Variants in ACTN1 observed in about 807,000 individuals in gnomAD.
ACTN1 encodes actinin alpha 1, also known as alpha-actinin-1.
ACTN1 carries 30 observed loss-of-function variants against 119.6 expected under a neutral mutation model. The observed-to-expected ratio is 0.25, with a 90% confidence interval of 0.19 to 0.34. ACTN1 has a LOEUF of 0.34. Among genes scored for constraint, ACTN1 ranks in the 10% least tolerant of loss-of-function variants. The pLI is 1.00. For synonymous variants in ACTN1, 429 were observed against 472.6 expected (o/e 0.91, Z 1.20); for missense variants, 764 against 1,223.4 (o/e 0.62, Z 5.60).
intron 1 of ACTN1, among the ~76,000 whole-genome samples, chr14:68,959,237 A>C (rs1236804122): frequency 6.6e-6 from 1 of 152,204 alleles, no homozygotes; most frequent in Non-Finnish European, 1.5e-5. Flanking sequence ...AAACCTCTGG[A>C]AACAGTGGAG....
In ACTN1 at chr14:68,875,254, A is replaced by G. The variant is rs1178702217; in HGVS notation, c.2587-237T>C. 4.4e-6 allele frequency: 5 copies of G among 1,133,804 alleles called. No individual in the cohort carries two copies. In the African/African-American group the frequency reaches 7.8e-5, roughly 18 times the overall value. 70.2% of individuals were successfully genotyped at this position (1,133,804 alleles called of 1,614,324 possible). On this transcript the variant is annotated intron_variant, in intron 21 of 21. Transcript: ENST00000394419. ...CACTTCAGTACCTACTTTGTAAGCC[A>G]CTTTCCAATCTAATTCCATGTGCCA...
At chr14:68,897,816 G>A (rs2032989768) in intron 8 of ACTN1, among the ~76,000 whole-genome samples, 5 of 152,230 alleles carry the variant, frequency 3.3e-5, no homozygotes, top group Admixed American at 3.3e-4. Flanking sequence ...CGGTGAGTGG[G>A]CCAGGGTGGG....
At position 68,902,233 on chromosome 14, in the gene ACTN1, T is replaced by C. The variant is rs554272846; in HGVS notation, c.762+244A>G. ...TTCCTGCTTAAGCCAGTCATCTGGGTCCCAGAAAGTGAGCTGCTGCCCAAT... is the reference window on the plus strand; with the variant it reads ...TTCCTGCTTAAGCCAGTCATCTGGGCCCCAGAAAGTGAGCTGCTGCCCAAT... On this transcript the variant is annotated intron_variant, in intron 8 of 21. Transcript: ENST00000394419. Among the ~76,000 whole-genome samples, 137 of 152,226 alleles carry C rather than the reference T, an allele frequency of 9.0e-4. 1 individual carries two copies. The highest frequency in any genetic ancestry group is 3.4e-3 in the Middle Eastern group (1 of 294).
At chr14:68,935,587 T>C (rs1242501011) in intron 1 of ACTN1, among the ~76,000 whole-genome samples, 1 of 151,712 alleles carries the variant, frequency 6.6e-6, no homozygotes, top group Non-Finnish European at 1.5e-5. Context: ...GGTTTTGCTA[T>C]GTTGGCCTGG....
chr14:68,925,887 T>C lies in ACTN1; in HGVS notation c.106-215A>G, dbSNP rs2034898693. Among the ~76,000 whole-genome samples, 1 of 152,140 alleles carries C rather than the reference T, an allele frequency of 6.6e-6. No homozygotes were observed. The highest frequency in any genetic ancestry group is 2.1e-4 in the South Asian group (1 of 4,828). On this transcript the variant is annotated intron_variant, in intron 1 of 21. Transcript: ENST00000394419. This position sits in a 1 kb window ranked among gnomAD's most constrained non-coding sequence, Gnocchi z 4.3. ...GGGACCCTACACAGAGCCTGCTACA[T>C]GGGTGGGAGCAAGCAGGATACATGA...
intron 14 of ACTN1, among the ~76,000 whole-genome samples, chr14:68,883,654 T>C (rs180996940): frequency 1.3e-5 from 2 of 152,272 alleles, no homozygotes; most frequent in Non-Finnish European, 2.9e-5. Flanking sequence ...GATGTGAGCC[T>C]GTAGTCCCAG....
At chr14:68,971,177 C>T (rs757521517) in intron 1 of ACTN1, among the ~76,000 whole-genome samples, 10 of 152,246 alleles carry the variant, frequency 6.6e-5, no homozygotes, top group Non-Finnish European at 1.2e-4. Flanking sequence ...CTTAACCTCT[C>T]TGGGCTTCCA....
rs201774123 is a variant in ACTN1 at position 68,955,023 on chromosome 14, G to GT, written c.105+23928dup. On this transcript the variant is annotated intron_variant, in intron 1 of 21. Coordinates refer to ENST00000394419, the MANE Select transcript of ACTN1 (RefSeq NM_001130004.2). ...AGTCCACTCTGATGCAAGCAGACCTGTAACAGCTCCCCTGGCAGCCTCCAT... is the reference window on the plus strand; with the variant it reads ...AGTCCACTCTGATGCAAGCAGACCTGTTAACAGCTCCCCTGGCAGCCTCCAT... Among the ~76,000 whole-genome samples the GT allele has an allele frequency of 6.8e-3, 1,039 of 152,220 alleles. 22 individuals are homozygous for GT. Among genetic ancestry groups the GT allele is most frequent in the South Asian group, 0.019 (90 of 4,820 alleles).
Position 68,874,797 on chromosome 14 carries a change from G to T in ACTN1, c.*62C>A. 6.9e-7 allele frequency: 1 copy of T among 1,441,128 alleles called. No homozygotes were observed. The allele number at this position is 1,441,128 out of a possible 1,614,324, so 89.3% of individuals were successfully genotyped here. On this transcript the variant is annotated 3_prime_UTR_variant, in exon 22 of 22. Coordinates refer to ENST00000394419, the MANE Select transcript of ACTN1 (RefSeq NM_001130004.2). ...GAAACCGAACCCAGGCAGGAGATGG[G>T]CGACGGCGGAGGTGCAAGGCAGGGC...
rs144073947 is a variant in ACTN1, at chr14:68,961,902, G to A, written c.105+17050C>T. Among the ~76,000 whole-genome samples, 736 of 152,082 alleles carry A rather than the reference G, an allele frequency of 4.8e-3. 7 individuals carry two copies. The highest frequency in any genetic ancestry group is 0.019 in the South Asian group (93 of 4,820). On this transcript the variant is annotated intron_variant, in intron 1 of 21. Coordinates refer to ENST00000394419, the MANE Select transcript of ACTN1 (RefSeq NM_001130004.2). Reference sequence around the variant, plus strand: ...ATCCACCTCCAGAAACTACCCCCACGCCCGACCGACAGGCATTCACACCCA... The same window carrying A: ...ATCCACCTCCAGAAACTACCCCCACACCCGACCGACAGGCATTCACACCCA...
intron 4 of ACTN1, 77 bp downstream of exon 4, chr14:68,912,079 G>C: frequency 1.4e-6 from 2 of 1,380,534 alleles, no homozygotes; most frequent in Non-Finnish European, 2.1e-6. Context: ...GTTGCCCTGG[G>C]TATGGGAGTT....
At chr14:68,917,745 G>A (rs2034386854) in intron 3 of ACTN1, among the ~76,000 whole-genome samples, 1 of 152,212 alleles carries the variant, frequency 6.6e-6, no homozygotes, top group Non-Finnish European at 1.5e-5. Flanking sequence ...CTCAGGGCAG[G>A]GAGAAGGTAA....
At chr14:68,947,929 C>CA (rs1175697118) in intron 1 of ACTN1, among the ~76,000 whole-genome samples, 1 of 152,170 alleles carries the variant, frequency 6.6e-6, no homozygotes, top group Non-Finnish European at 1.5e-5. Flanking sequence ...GAATGAAGCC[C>CA]AAGGCACCGC....
At chr14:68,916,645 G>C (rs989203804) in intron 3 of ACTN1, among the ~76,000 whole-genome samples, 1 of 152,148 alleles carries the variant, frequency 6.6e-6, no homozygotes, top group African/African-American at 2.4e-5. Flanking sequence ...TGCAGCAGGG[G>C]TGCCTCATCT....
chr14:68,884,143 T>A, intron 14 of ACTN1, 25 bp downstream of exon 14: 1 of 1,601,642 alleles, frequency 6.2e-7, no homozygotes, highest in Non-Finnish European at 8.5e-7. Context: ...GGAGCCAGCC[T>A]CCGGGGAGTG....
Position 68,946,132 on chromosome 14 carries a change from C to T in ACTN1, c.106-20460G>A, listed in dbSNP as rs1022345359. ...GCAGCAGGTCACCGTGCCCCGGCCACACTCTCACAACTGTCCGTAACAGGG... is the reference window on the plus strand; with the variant it reads ...GCAGCAGGTCACCGTGCCCCGGCCATACTCTCACAACTGTCCGTAACAGGG... On this transcript the variant is annotated intron_variant, in intron 1 of 21. Transcript: ENST00000394419. 3.9e-5 allele frequency among the ~76,000 whole-genome samples: 6 copies of T among 152,120 alleles called. 1 individual carries two copies. The highest frequency in any genetic ancestry group is 3.9e-4 in the Admixed American group (6 of 15,280).
intron 1 of ACTN1, chr14:68,978,046 T>G (rs747842389): frequency 1.5e-5 from 7 of 456,026 alleles, no homozygotes; most frequent in South Asian, 1.1e-4. Flanking sequence ...TGTGCCCGGG[T>G]CCCATCGCCA....
chr14:68,917,622 C>A (rs984700129), intron 3 of ACTN1, among the ~76,000 whole-genome samples: 1 of 152,170 alleles, frequency 6.6e-6, no homozygotes, highest in African/African-American at 2.4e-5. Context: ...CCATTTGCTG[C>A]CTCATCTAGT....
At chr14:68,877,345 G>T in intron 20 of ACTN1, 105 bp from the exon 21 acceptor site, 1 of 1,401,742 alleles carries the variant, frequency 7.1e-7, no homozygotes, top group Non-Finnish European at 9.7e-7. Flanking sequence ...GGCTGGAAGA[G>T]AAGGGCACAT....
Sources: allele counts gnomAD v4.1 joint callset (sites outside exome capture counted in the v4.1 genomes callset), GRCh38; gene constraint gnomAD v4.1.1; non-coding constraint Gnocchi (gnomAD v3.1); transcripts MANE v1.5; gene names NCBI Gene and HGNC (gene_info 2026-07-23, HGNC 2026-07-21).